The following ZMYM4 variants were observed in gnomAD, a reference collection of about 807,000 sequenced individuals.
ZMYM4 encodes zinc finger MYM-type containing 4, also known as zinc finger MYM-type protein 4.
In ZMYM4, 31 loss-of-function variants were observed where a neutral mutation model predicts 183.2. That is an observed-to-expected ratio of 0.17 (90% CI 0.13 to 0.23). ZMYM4 has a LOEUF of 0.23. ZMYM4 is among the 10% of genes least tolerant of loss of function. The pLI is 1.00. For missense variants in ZMYM4, 1,273 were observed against 1,840.3 expected (o/e 0.69, Z 5.64); for synonymous variants, 592 against 631.2 (o/e 0.94, Z 0.93).
chr1:35,416,025 A>C (rs546143643), intron 28 of ZMYM4, among the ~76,000 whole-genome samples: 4 of 152,260 alleles, frequency 2.6e-5, no homozygotes, highest in Admixed American at 2.0e-4. Context: ...TCACTAATTT[A>C]CTAGCCCCAG....
At position 35,268,752 on chromosome 1, in the gene ZMYM4, C is replaced by G. The variant is rs540707585; in HGVS notation, c.-295C>G. ...AGAAACCGCAGGCGGAGGAATTTCT[C>G]TGAGAGAAAATAATCCTACTCACGG... On this transcript the variant is annotated 5_prime_UTR_variant, in exon 1 of 30. Transcript: ENST00000314607. Among the ~76,000 whole-genome samples the G allele has an allele frequency of 2.0e-5, 3 of 152,348 alleles. No individual in the cohort carries two copies. Among genetic ancestry groups the G allele is most frequent in the African/African-American group, 7.2e-5 (3 of 41,576 alleles).
At position 35,332,967 on chromosome 1, in the gene ZMYM4, G is replaced by A. The variant is rs143280761; in HGVS notation, c.85+7562G>A. 5.8e-4 allele frequency among the ~76,000 whole-genome samples: 89 copies of A among 152,222 alleles called. No individual in the cohort carries two copies. The Middle Eastern group carries it at 0.01, about 17-fold the overall frequency. On this transcript the variant is annotated intron_variant, in intron 2 of 29. Transcript: ENST00000314607. Reference sequence around the variant, plus strand: ...AGTTATTTGGCATCCCTTCCACCAGGCAGTTCACAAGCTTGCCCAGATTCA... The same window carrying A: ...AGTTATTTGGCATCCCTTCCACCAGACAGTTCACAAGCTTGCCCAGATTCA...
In ZMYM4 at chr1:35,359,294, G is replaced by A. The variant is rs140835694; in HGVS notation, c.455G>A (p.Arg152Gln). 4.1e-5 allele frequency: 66 copies of A among 1,609,030 alleles called. No individual in the cohort carries two copies. The highest frequency in any genetic ancestry group is 8.9e-5 in the East Asian group (4 of 44,804). ...FDQVSVFKSI[R>Q]KDFSLVRENS... ...CAGGTTTCTGTCTTTAAATCAATACGGAAAGATTTTAGTCTAGTAAGAGAA... is the reference window on the plus strand; with the variant it reads ...CAGGTTTCTGTCTTTAAATCAATACAGAAAGATTTTAGTCTAGTAAGAGAA... Residue 152 changes from arginine (R) to glutamine (Q), a missense_variant, in exon 3 of 30, where the codon CGG (arginine) becomes CAG (glutamine). Around this residue, in one of 6 missense-constraint regions of ZMYM4, gnomAD observed 384 missense variants for 465.6 expected, o/e 0.82. Transcript: ENST00000314607.
rs1351652082 is a variant in ZMYM4, at chr1:35,381,679, C to T, written c.1490C>T (p.Ser497Leu). Reference sequence around the variant, plus strand: ...TGTGGGGGTTACTGTTACAGTGGGTCGGGACAATGCCACATGCTTCAGATA... The same window carrying T: ...TGTGGGGGTTACTGTTACAGTGGGTTGGGACAATGCCACATGCTTCAGATA... ...ENCGGYCYSGSGQCHMLQIEG... is the reference protein window; with the variant it reads ...ENCGGYCYSGLGQCHMLQIEG... The change falls in exon 9 of 30, where the codon TCG becomes TTG. Residue 497 changes from serine (S) to leucine (L), a missense_variant. Around this residue, in one of 6 missense-constraint regions of ZMYM4, gnomAD observed 319 missense variants for 518.1 expected, o/e 0.62. Transcript: ENST00000314607. The T allele has an allele frequency of 5.0e-6, 8 of 1,614,140 alleles. No individual in the cohort carries two copies. The highest frequency in any genetic ancestry group is 1.6e-4 in the Middle Eastern group (1 of 6,062).
intron 1 of ZMYM4, among the ~76,000 whole-genome samples, chr1:35,281,910 A>G (rs988740982): frequency 6.6e-6 from 1 of 152,162 alleles, no homozygotes; most frequent in African/African-American, 2.4e-5. Flanking sequence ...GACTCATACA[A>G]TATTTATCCT....
chr1:35,302,028 G>A (rs1365802828), intron 1 of ZMYM4, among the ~76,000 whole-genome samples: 1 of 152,044 alleles, frequency 6.6e-6, no homozygotes, highest in African/African-American at 2.4e-5. Context: ...AGGCAGGAAG[G>A]TAAATCCACT....
chr1:35,374,370 G>T (rs7538319), intron 7 of ZMYM4, among the ~76,000 whole-genome samples: 4,945 of 152,104 alleles, frequency 0.033, 260 homozygotes, highest in East Asian at 0.24. Context: ...TCAGTTTGAA[G>T]ATTTTAATTT....
chr1:35,390,771 C>T (rs1312365965), intron 15 of ZMYM4, among the ~76,000 whole-genome samples: 1 of 152,182 alleles, frequency 6.6e-6, no homozygotes, highest in African/African-American at 2.4e-5. Flanking sequence ...GAAAGGATAA[C>T]AGTTAATGGT....
chr1:35,345,565 C>T (rs1038743272), intron 2 of ZMYM4, among the ~76,000 whole-genome samples: 7 of 151,970 alleles, frequency 4.6e-5, no homozygotes, highest in Non-Finnish European at 1.0e-4. Flanking sequence ...AGCAATTCTC[C>T]GGCCTCAGCT....
chr1:35,352,597 G>C (rs148564137), intron 2 of ZMYM4, among the ~76,000 whole-genome samples: 1 of 152,168 alleles, frequency 6.6e-6, no homozygotes, highest in Non-Finnish European at 1.5e-5. Context: ...TGATGTAGCT[G>C]TTCTCAAGTT....
chr1:35,348,651 G>A (rs772245599), intron 2 of ZMYM4, among the ~76,000 whole-genome samples: 3 of 152,182 alleles, frequency 2.0e-5, no homozygotes, highest in East Asian at 1.9e-4. Context: ...TAAGAATCAC[G>A]GTCTGTCACT....
intron 29 of ZMYM4, 137 bp downstream of exon 29, chr1:35,418,709 C>A: frequency 1.9e-6 from 2 of 1,051,188 alleles, no homozygotes; most frequent in Non-Finnish European, 2.8e-6. Context: ...TCCCCATTGT[C>A]ATATCTATGT....
At chr1:35,383,770 A>T (rs1345056427) in intron 9 of ZMYM4, among the ~76,000 whole-genome samples, 2 of 152,182 alleles carry the variant, frequency 1.3e-5, no homozygotes, top group South Asian at 4.1e-4. Flanking sequence ...TTCATGTATT[A>T]TATCTGCTGT....
chr1:35,383,485 T>C (rs1377897518), intron 9 of ZMYM4, among the ~76,000 whole-genome samples: 1 of 152,152 alleles, frequency 6.6e-6, no homozygotes, highest in African/African-American at 2.4e-5. Context: ...TTTCAATTTA[T>C]TTCCTGTTAA....
At chr1:35,348,026 C>T (rs1380073997) in intron 2 of ZMYM4, among the ~76,000 whole-genome samples, 1 of 152,104 alleles carries the variant, frequency 6.6e-6, no homozygotes, top group Non-Finnish European at 1.5e-5. Flanking sequence ...CTCTAATCTT[C>T]TTGATCATTG....
intron 10 of ZMYM4, 56 bp from the exon 11 acceptor site, chr1:35,386,018 T>C (rs1411545451): frequency 3.9e-6 from 5 of 1,279,260 alleles, no homozygotes; most frequent in Middle Eastern, 2.2e-4. Context: ...TAATTTCTCA[T>C]ACTTTTGTGT....
chr1:35,353,621 T>G (rs1368178303), intron 2 of ZMYM4, among the ~76,000 whole-genome samples: 1 of 152,206 alleles, frequency 6.6e-6, no homozygotes, highest in Non-Finnish European at 1.5e-5. Context: ...TGCTTTCAGG[T>G]GTTTCAGCTG....
At chr1:35,379,407 G>C (rs1320605317) in intron 7 of ZMYM4, among the ~76,000 whole-genome samples, 1 of 152,066 alleles carries the variant, frequency 6.6e-6, no homozygotes, top group Non-Finnish European at 1.5e-5. Context: ...CCTAAGTTTT[G>C]CATTTTTTAG....
At chr1:35,351,947 C>G (rs1044322299) in intron 2 of ZMYM4, among the ~76,000 whole-genome samples, 5 of 152,144 alleles carry the variant, frequency 3.3e-5, no homozygotes, top group Admixed American at 2.0e-4. Context: ...ACTTTATTCT[C>G]CTTGTGCAAA....
Sources: gnomAD v4.1 joint callset for allele counts (sites outside exome capture counted in the v4.1 genomes callset) on GRCh38, gnomAD v4.1.1 for gene constraint, gnomAD v4.1.1 regional missense constraint, MANE v1.5 for transcripts, NCBI Gene and HGNC (gene_info 2026-07-23, HGNC 2026-07-21) for gene names.